AGAP1: variants seen among roughly 807,000 people sequenced by gnomAD.
AGAP1 encodes ArfGAP with GTPase domain, ankyrin repeat and PH domain 1.
Under a neutral mutation model 105.3 loss-of-function variants are expected in AGAP1, and 29 were observed. The ratio of observed to expected loss-of-function variants is 0.28; its 90% CI spans 0.21 to 0.38. AGAP1 has a LOEUF of 0.38. AGAP1 is among the 10% of genes least tolerant of loss of function. The pLI is 1.00. For synonymous variants in AGAP1, 509 were observed against 485.9 expected, an observed-to-expected ratio of 1.05 and a Z score of -0.63; for missense variants, 998 against 1,165.1, an observed-to-expected ratio of 0.86 and a Z score of 2.09.
chr2:235,797,731 G>A, intron 6 of AGAP1, 28 bp from the exon 7 acceptor site: 1 of 1,613,876 alleles, frequency 6.2e-7, no homozygotes, highest in African/African-American at 1.3e-5. Flanking sequence ...GATTGACATG[G>A]ATTTCTTTTT....
Position 235,971,230 on chromosome 2 carries a change from G to A in AGAP1, c.1645+2607G>A, listed in dbSNP as rs919941663. ...AAAAGTTACTTATCAGACTACAAATGAGTCACTTTTGTGAAAAAGTCTATA... is the reference window on the plus strand; with the variant it reads ...AAAAGTTACTTATCAGACTACAAATAAGTCACTTTTGTGAAAAAGTCTATA... On this transcript the variant is annotated intron_variant, in intron 13 of 17. Coordinates refer to ENST00000304032, the MANE Select transcript of AGAP1 (RefSeq NM_001037131.3). This position sits in a 1 kb window ranked among gnomAD's most constrained non-coding sequence, Gnocchi z 4.8. Among the ~76,000 whole-genome samples the A allele has an allele frequency of 2.0e-5, 3 of 152,082 alleles. No homozygotes were observed. Among genetic ancestry groups the A allele is most frequent in the African/African-American group, 7.2e-5 (3 of 41,394 alleles).
Position 235,891,567 on chromosome 2 carries a change from T to C in AGAP1, c.1155+8118T>C, listed in dbSNP as rs1053063166. 5.9e-5 allele frequency among the ~76,000 whole-genome samples: 9 copies of C among 152,096 alleles called. No individual in the cohort carries two copies. Among genetic ancestry groups the C allele is most frequent in the African/African-American group, 1.9e-4 (8 of 41,420 alleles). On this transcript the variant is annotated intron_variant, in intron 10 of 17. Transcript: ENST00000304032. The surrounding 1 kb of genome is among the most constrained non-coding windows in gnomAD (Gnocchi z 4.2). ...GAACTTGGACCTCAGGGCTTCACAG[T>C]TCAGCGTGGCCACCTATTCATCTTC... is the stretch of plus-strand genomic sequence containing the variant.
intron 1 of AGAP1, among the ~76,000 whole-genome samples, chr2:235,523,908 C>T (rs377082325): frequency 2.7e-4 from 41 of 151,684 alleles, no homozygotes; most frequent in Admixed American, 2.0e-3. Context: ...GGGATTGCAG[C>T]GTGCCTCCTC....
chr2:235,686,628 T>G (rs1202157805), intron 1 of AGAP1, among the ~76,000 whole-genome samples: 11 of 44,474 alleles, frequency 2.5e-4, no homozygotes, highest in South Asian at 1.4e-3. Flanking sequence ...TAGATATATA[T>G]ATATATATAT....
At chr2:235,587,872 C>G (rs1412090674) in intron 1 of AGAP1, among the ~76,000 whole-genome samples, 1 of 152,160 alleles carries the variant, frequency 6.6e-6, no homozygotes, top group African/African-American at 2.4e-5. Flanking sequence ...GCTGCTCCTT[C>G]CACGCCTGCC....
At chr2:235,975,916 A>G (rs1218816670) in intron 13 of AGAP1, among the ~76,000 whole-genome samples, 1 of 152,216 alleles carries the variant, frequency 6.6e-6, no homozygotes, top group Non-Finnish European at 1.5e-5. Context: ...TTATTAATTA[A>G]ACTTCCTTAT....
chr2:235,720,191 T>C lies in AGAP1; in HGVS notation c.310+2547T>C, dbSNP rs1951310032. On this transcript the variant is annotated intron_variant, in intron 3 of 17. Coordinates refer to ENST00000304032, the MANE Select transcript of AGAP1 (RefSeq NM_001037131.3). The surrounding 1 kb of genome is among the most constrained non-coding windows in gnomAD (Gnocchi z 5.0). ...ATACCACGGTCTTGCCATCCTGAAATTCCCTCTCATGCTCAGGGAGCCTGT... is the reference window on the plus strand; with the variant it reads ...ATACCACGGTCTTGCCATCCTGAAACTCCCTCTCATGCTCAGGGAGCCTGT... Among the ~76,000 whole-genome samples the C allele has an allele frequency of 6.6e-6, 1 of 152,206 alleles. No homozygotes were observed. Among genetic ancestry groups the C allele is most frequent in the South Asian group, 2.1e-4 (1 of 4,826 alleles).
rs2052915157 is a variant in AGAP1 at position 235,934,925 on chromosome 2, C to T, written c.1483+4002C>T. Among the ~76,000 whole-genome samples the T allele has an allele frequency of 6.6e-6, 1 of 152,212 alleles. No individual in the cohort carries two copies. The highest frequency in any genetic ancestry group is 1.5e-5 in the Non-Finnish European group (1 of 68,048). ...TCCACCCTAAATTAAGACTTTGGCTCTGGAGAACTTTTCAAAGTCTCCTCT... is the reference window on the plus strand; with the variant it reads ...TCCACCCTAAATTAAGACTTTGGCTTTGGAGAACTTTTCAAAGTCTCCTCT... On this transcript the variant is annotated intron_variant, in intron 12 of 17. Coordinates refer to ENST00000304032, the MANE Select transcript of AGAP1 (RefSeq NM_001037131.3). The surrounding 1 kb of genome is among the most constrained non-coding windows in gnomAD (Gnocchi z 4.9).
intron 13 of AGAP1, among the ~76,000 whole-genome samples, chr2:236,024,687 A>G (rs1279739839): frequency 6.6e-6 from 1 of 152,218 alleles, no homozygotes; most frequent in African/African-American, 2.4e-5. Context: ...TGTAATGAGG[A>G]GGGATTCCTT....
At chr2:235,560,597 G>A (rs962492089) in intron 1 of AGAP1, among the ~76,000 whole-genome samples, 2 of 152,148 alleles carry the variant, frequency 1.3e-5, no homozygotes, top group African/African-American at 4.8e-5. Context: ...GTGGAAGGAG[G>A]GCGAGAGAGT....
Position 235,864,456 on chromosome 2 carries a change from G to A in AGAP1, c.1051-18889G>A, listed in dbSNP as rs746387484. Among the ~76,000 whole-genome samples, 1 of 152,204 alleles carries A rather than the reference G, an allele frequency of 6.6e-6. No homozygotes were observed. The highest frequency in any genetic ancestry group is 1.5e-5 in the Non-Finnish European group (1 of 68,042). Reference sequence around the variant, plus strand: ...TTTGTTTGCGGTTCTGGCCTCCAGGGCGGTCTGGGTGGGAGGAGGAGGTGG... The same window carrying A: ...TTTGTTTGCGGTTCTGGCCTCCAGGACGGTCTGGGTGGGAGGAGGAGGTGG... On this transcript the variant is annotated intron_variant, in intron 9 of 17. Transcript: ENST00000304032. The surrounding 1 kb of genome is among the most constrained non-coding windows in gnomAD (Gnocchi z 5.0).
chr2:235,806,939 G>A (rs900963696), intron 8 of AGAP1, among the ~76,000 whole-genome samples: 11 of 152,120 alleles, frequency 7.2e-5, no homozygotes, highest in Admixed American at 5.9e-4. Context: ...TCTGTTGGGC[G>A]TTACTTTCCC....
At chr2:235,670,210 G>T (rs1331814341) in intron 1 of AGAP1, 4 of 577,734 alleles carry the variant, frequency 6.9e-6, no homozygotes, top group Non-Finnish European at 1.3e-5. Context: ...CCATGGTCAG[G>T]AAGGAGCAGC....
chr2:235,713,401 C>T (rs1312700608), intron 2 of AGAP1, among the ~76,000 whole-genome samples: 1 of 152,234 alleles, frequency 6.6e-6, no homozygotes, highest in Non-Finnish European at 1.5e-5. Flanking sequence ...GAGCCTGGCT[C>T]TGAGCCTTAG....
rs1281756914 is a variant in AGAP1 at position 235,983,259 on chromosome 2, A to T, written c.1645+14636A>T. Among the ~76,000 whole-genome samples, 1 of 152,054 alleles carries T rather than the reference A, an allele frequency of 6.6e-6. No homozygotes were observed. ...GCAAAGGACCAGCGCTGCTGCAGGG[A>T]ACATGGCTGGGAGGGCATCCACCGG... On this transcript the variant is annotated intron_variant, in intron 13 of 17. Coordinates refer to ENST00000304032, the MANE Select transcript of AGAP1 (RefSeq NM_001037131.3). The surrounding 1 kb of genome is among the most constrained non-coding windows in gnomAD (Gnocchi z 4.5).
rs79248422 is a variant in AGAP1 at position 235,888,766 on chromosome 2, C to A, written c.1155+5317C>A. 9.9e-5 allele frequency among the ~76,000 whole-genome samples: 15 copies of A among 152,122 alleles called. No individual in the cohort carries two copies. The highest frequency in any genetic ancestry group is 6.8e-3 in the Middle Eastern group (2 of 294). ...CATTTGTTGCTGTCGGGTAGAGCGG[C>A]CACCCACTGCCCCAGCCTTCCCTGT... On this transcript the variant is annotated intron_variant, in intron 10 of 17. Transcript: ENST00000304032. The surrounding 1 kb of genome is among the most constrained non-coding windows in gnomAD (Gnocchi z 4.8).
rs1370245625 is a variant in AGAP1 at position 236,071,771 on chromosome 2, G to A, written c.2114+22490G>A. Among the ~76,000 whole-genome samples the A allele has an allele frequency of 2.6e-5, 4 of 152,218 alleles. No individual in the cohort carries two copies. In the East Asian group the frequency reaches 7.7e-4, roughly 29 times the overall value. ...CAGCAGCATAGGAGTGCTCCCCAGT[G>A]TTGCTGGGGAGTTTCGCTGCTGCTC... On this transcript the variant is annotated intron_variant, in intron 16 of 17. Transcript: ENST00000304032.
intron 12 of AGAP1, among the ~76,000 whole-genome samples, chr2:235,946,039 C>T (rs868664564): frequency 6.6e-6 from 1 of 151,800 alleles, no homozygotes; most frequent in Non-Finnish European, 1.5e-5. Flanking sequence ...GACAATTCAA[C>T]ATGAGACCTG....
rs756864744 is a variant in AGAP1 at position 236,120,842 on chromosome 2, G to C, written c.2370+395G>C. On this transcript the variant is annotated intron_variant, in intron 17 of 17. Coordinates refer to ENST00000304032, the MANE Select transcript of AGAP1 (RefSeq NM_001037131.3). This position sits in a 1 kb window ranked among gnomAD's most constrained non-coding sequence, Gnocchi z 6.0. ...TACTGGACCCTAAACTTTGAGGTCT[G>C]ATGTGGCAGGAGTTTGTCAAAGGAC... Among the ~76,000 whole-genome samples the C allele has an allele frequency of 1.3e-5, 2 of 152,200 alleles. No homozygotes were observed. The highest frequency in any genetic ancestry group is 1.3e-4 in the Admixed American group (2 of 15,282).
Sources: allele counts gnomAD v4.1 joint callset (sites outside exome capture counted in the v4.1 genomes callset), GRCh38; gene constraint gnomAD v4.1.1; non-coding constraint Gnocchi (gnomAD v3.1); transcripts MANE v1.5; gene names NCBI Gene and HGNC (gene_info 2026-07-23, HGNC 2026-07-21).